PTPRG: variants seen among roughly 807,000 people sequenced by gnomAD.
PTPRG encodes the protein protein tyrosine phosphatase receptor type G.
PTPRG carries 102 observed loss-of-function variants against 165.3 expected under a neutral mutation model. The ratio of observed to expected loss-of-function variants is 0.62; its 90% CI spans 0.53 to 0.73. PTPRG has a LOEUF of 0.73. Among genes scored for constraint, PTPRG ranks in the 30% least tolerant of loss-of-function variants. The pLI is 0.00. For synonymous variants in PTPRG, 675 were observed against 669.5 expected, an observed-to-expected ratio of 1.01 and a Z score of -0.13; for missense variants, 1,866 against 1,861.4, an observed-to-expected ratio of 1.00 and a Z score of -0.05.
intron 8 of PTPRG, among the ~76,000 whole-genome samples, chr3:62,173,251 T>G (rs552021203): frequency 1.5e-3 from 217 of 148,000 alleles, no homozygotes; most frequent in African/African-American, 5.4e-3. Flanking sequence ...TTTTTTATTG[T>G]TTTTTTTTCC....
At chr3:62,008,133 G>T (rs2107732641) in intron 4 of PTPRG, among the ~76,000 whole-genome samples, 1 of 152,252 alleles carries the variant, frequency 6.6e-6, no homozygotes. Flanking sequence ...ACTCATTCCT[G>T]TTCTGTGGTT....
intron 1 of PTPRG, among the ~76,000 whole-genome samples, chr3:61,666,415 G>A (rs191130043): frequency 1.1e-4 from 17 of 152,344 alleles, no homozygotes; most frequent in African/African-American, 2.4e-4. Context: ...TGGGAAGGGT[G>A]TGTGGCAAAT....
chr3:62,050,044 A>G (rs1427098213), intron 4 of PTPRG, among the ~76,000 whole-genome samples: 3 of 152,232 alleles, frequency 2.0e-5, no homozygotes, highest in African/African-American at 4.8e-5. Context: ...TGTTAGCAGT[A>G]TCAGAAAAAG....
chr3:61,808,047 C>G (rs1259822374), intron 2 of PTPRG, among the ~76,000 whole-genome samples: 5 of 152,192 alleles, frequency 3.3e-5, no homozygotes, highest in African/African-American at 1.2e-4. Context: ...CTCCCTGACT[C>G]TGTGTAATCC....
Position 61,820,603 on chromosome 3 carries a change from G to GTTTTTTTTTTTTTT in PTPRG, c.190+71634_190+71647dup, listed in dbSNP as rs11329820. Among the ~76,000 whole-genome samples the GTTTTTTTTTTTTTT allele has an allele frequency of 2.6e-4, 17 of 65,732 alleles. 1 individual carries two copies. The highest frequency in any genetic ancestry group is 3.9e-4 in the African/African-American group (6 of 15,374). 43.1% of individuals were successfully genotyped at this position (65,732 alleles called of 152,430 possible). A position where few individuals can be genotyped will look rare whatever the true frequency, so the allele number is the denominator to read the frequency against. ...TTTAATTTCTTGTTCCTGTGTCTCT[G>GTTTTTTTTTTTTTT]TTTTTTTTTTTTTTTTTTTTTTTTT... On this transcript the variant is annotated intron_variant, in intron 2 of 29. Coordinates refer to ENST00000474889, the MANE Select transcript of PTPRG (RefSeq NM_002841.4).
chr3:61,766,909 C>T (rs545909031), intron 2 of PTPRG, among the ~76,000 whole-genome samples: 16 of 151,638 alleles, frequency 1.1e-4, no homozygotes, highest in East Asian at 5.9e-4. Context: ...CATGAGCCAT[C>T]GCGCCCAGCC....
intron 6 of PTPRG, among the ~76,000 whole-genome samples, chr3:62,141,127 A>G (rs139698436): frequency 1.3e-5 from 2 of 152,326 alleles, no homozygotes; most frequent in African/African-American, 4.8e-5. Context: ...CAAATAGTCA[A>G]ATATTAAAAA....
At chr3:62,006,147 T>A (rs530795147) in intron 4 of PTPRG, among the ~76,000 whole-genome samples, 1 of 152,290 alleles carries the variant, frequency 6.6e-6, no homozygotes, top group Non-Finnish European at 1.5e-5. Context: ...TGTTTGGATG[T>A]TTTTCTTTTA....
intron 2 of PTPRG, among the ~76,000 whole-genome samples, chr3:61,819,214 C>A (rs1033157875): frequency 6.6e-6 from 1 of 152,086 alleles, no homozygotes; most frequent in Non-Finnish European, 1.5e-5. Flanking sequence ...TGGTCTTCAA[C>A]TATGAAGATC....
chr3:62,141,572 C>G (rs1703927391), intron 6 of PTPRG, among the ~76,000 whole-genome samples: 1 of 152,082 alleles, frequency 6.6e-6, no homozygotes, highest in African/African-American at 2.4e-5. Context: ...GCACTCCAGT[C>G]TGGGTGACAG....
chr3:61,847,777 C>T (rs936570877), intron 2 of PTPRG, among the ~76,000 whole-genome samples: 2 of 152,190 alleles, frequency 1.3e-5, no homozygotes, highest in African/African-American at 2.4e-5. Flanking sequence ...TAAAGTTGGG[C>T]TGGTCAACAT....
intron 2 of PTPRG, among the ~76,000 whole-genome samples, chr3:61,865,028 T>C (rs587267): frequency 0.43 from 65,551 of 152,044 alleles, 15,257 homozygotes; most frequent in East Asian, 0.62. Context: ...ATGTTTTGCC[T>C]GTTCCTAGGC....
At chr3:61,836,062 C>CCCCAA (rs2036450402) in intron 2 of PTPRG, among the ~76,000 whole-genome samples, 1 of 103,626 alleles carries the variant, frequency 9.7e-6, no homozygotes. Flanking sequence ...CCCCCCCCAC[C>CCCCAA]AAAAAAAAAA....
intron 1 of PTPRG, among the ~76,000 whole-genome samples, chr3:61,653,542 G>A (rs1262799523): frequency 1.3e-5 from 2 of 151,990 alleles, no homozygotes; most frequent in Non-Finnish European, 2.9e-5. Flanking sequence ...AGGCACCCCT[G>A]CTTCAGGTAC....
intron 1 of PTPRG, among the ~76,000 whole-genome samples, chr3:61,576,364 A>G (rs1477178241): frequency 4.6e-5 from 7 of 152,182 alleles, no homozygotes; most frequent in Non-Finnish European, 8.8e-5. Flanking sequence ...TTGTGTTAAT[A>G]TGGGGCCAGT....
chr3:61,891,098 T>TC (rs1040251018), intron 2 of PTPRG, among the ~76,000 whole-genome samples: 5 of 152,096 alleles, frequency 3.3e-5, no homozygotes, highest in Non-Finnish European at 5.9e-5. Context: ...GGTGGGTGGA[T>TC]CACGAGGTCA....
intron 1 of PTPRG, among the ~76,000 whole-genome samples, chr3:61,690,491 G>C (rs544214486): frequency 6.6e-6 from 1 of 152,306 alleles, no homozygotes; most frequent in East Asian, 1.9e-4. Flanking sequence ...CATGCAAAGT[G>C]GAGGAATTAC....
intron 26 of PTPRG, among the ~76,000 whole-genome samples, chr3:62,281,132 A>G (rs1282048882): frequency 6.6e-6 from 1 of 152,122 alleles, no homozygotes; most frequent in Non-Finnish European, 1.5e-5. Context: ...TACAGTGTTT[A>G]TGAAAGTCCT....
intron 8 of PTPRG, among the ~76,000 whole-genome samples, chr3:62,188,619 A>G (rs937863486): frequency 2.0e-5 from 3 of 152,148 alleles, no homozygotes; most frequent in African/African-American, 7.2e-5. Context: ...CTTAATGCAC[A>G]CAGAAAAACC....
Sources: gnomAD v4.1 joint callset for allele counts (sites outside exome capture counted in the v4.1 genomes callset) on GRCh38, gnomAD v4.1.1 for gene constraint, MANE v1.5 for transcripts, NCBI Gene and HGNC (gene_info 2026-07-23, HGNC 2026-07-21) for gene names.